RAI1: variants seen among roughly 807,000 people sequenced by gnomAD.
RAI1 encodes the protein retinoic acid-induced protein 1.
RAI1 carries 9 observed loss-of-function variants against 123.8 expected under a neutral mutation model. That is an observed-to-expected ratio of 0.07 (90% CI 0.04 to 0.13). The LOEUF is 0.13. Ranked by LOEUF, RAI1 falls within the 10% of genes least tolerant of loss-of-function variation. The pLI is 1.00. For synonymous variants in RAI1, 1,231 were observed against 1,127.3 expected (o/e 1.09, Z -1.84); for missense variants, 2,256 against 2,545.8 (o/e 0.89, Z 2.45).
In RAI1 at chr17:17,768,539, G is replaced by A. The variant is rs183501044; in HGVS notation, c.-16-24394G>A. On this transcript the variant is annotated intron_variant, in intron 2 of 5. Coordinates refer to ENST00000353383, the MANE Select transcript of RAI1 (RefSeq NM_030665.4). Reference sequence around the variant, plus strand: ...CCAGCGAGGCCAGGTGGCTTGCCCAGTTTACACGCCAGACATAGGGCCAGG... The same window carrying A: ...CCAGCGAGGCCAGGTGGCTTGCCCAATTTACACGCCAGACATAGGGCCAGG... Among the ~76,000 whole-genome samples the A allele has an allele frequency of 4.0e-3, 615 of 152,332 alleles. 4 individuals are homozygous for A. The highest frequency in any genetic ancestry group is 0.014 in the African/African-American group (581 of 41,576).
intron 1 of RAI1, among the ~76,000 whole-genome samples, chr17:17,697,921 G>T (rs1915091101): frequency 6.6e-6 from 1 of 152,184 alleles, no homozygotes; most frequent in Admixed American, 6.5e-5. Flanking sequence ...GTGAGACCTG[G>T]ATCTCTCTCA....
chr17:17,709,478 G>A (rs573310808), intron 1 of RAI1, among the ~76,000 whole-genome samples: 36 of 152,268 alleles, frequency 2.4e-4, no homozygotes, highest in African/African-American at 7.9e-4. Context: ...TCCCTGCTGG[G>A]TTGACCACAG....
At chr17:17,700,787 C>T (rs1271149495) in intron 1 of RAI1, among the ~76,000 whole-genome samples, 6 of 151,946 alleles carry the variant, frequency 3.9e-5, no homozygotes, top group African/African-American at 1.2e-4. Flanking sequence ...CGCCCGCTCC[C>T]CGGCGTTCAA....
chr17:17,710,520 T>TGGTG (rs1915534684), intron 1 of RAI1, among the ~76,000 whole-genome samples: 1 of 152,178 alleles, frequency 6.6e-6, no homozygotes, highest in Admixed American at 6.5e-5. Context: ...AGGCTGCCAG[T>TGGTG]GGTGGCCTTT....
At chr17:17,753,230 G>A (rs2030288309) in intron 2 of RAI1, among the ~76,000 whole-genome samples, 1 of 152,238 alleles carries the variant, frequency 6.6e-6, no homozygotes, top group Admixed American at 6.5e-5. Flanking sequence ...CACAGACACA[G>A]GCTGGAGGGG....
chr17:17,755,742 G>C (rs1020017511), intron 2 of RAI1, among the ~76,000 whole-genome samples: 1 of 152,056 alleles, frequency 6.6e-6, no homozygotes, highest in Non-Finnish European at 1.5e-5. Context: ...TGGCTGGGTC[G>C]CCCCAGGGCT....
intron 2 of RAI1, among the ~76,000 whole-genome samples, chr17:17,780,082 T>TTTTTTTTTTTTTTTA (rs71152902): frequency 1.6e-4 from 18 of 110,940 alleles, no homozygotes; most frequent in Admixed American, 8.0e-4. Context: ...GGCTTTTTTT[T>TTTTTTTTTTTTTTTA]AAGACAAGAG....
At chr17:17,783,739 T>C (rs1295378272) in intron 2 of RAI1, among the ~76,000 whole-genome samples, 1 of 151,778 alleles carries the variant, frequency 6.6e-6, no homozygotes, top group Non-Finnish European at 1.5e-5. Flanking sequence ...GGGCGCCCGG[T>C]GACCCCCCTC....
In RAI1 at chr17:17,798,622, C is replaced by G; in HGVS notation, c.5565+109C>G. ...GTGCTACAGTGTGGGCCAAATGTGT[C>G]TGCAGTCTCGGGACAATCTGCAGAG... is the stretch of plus-strand genomic sequence containing the variant. On this transcript the variant is annotated intron_variant, in intron 3 of 5. Coordinates refer to ENST00000353383, the MANE Select transcript of RAI1 (RefSeq NM_030665.4). 10 of 1,520,430 alleles carry G rather than the reference C, an allele frequency of 6.6e-6. No homozygotes were observed. In the South Asian group the frequency reaches 1.1e-4, roughly 17 times the overall value. The allele number at this position is 1,520,430 out of a possible 1,614,324, so 94.2% of individuals were successfully genotyped here.
chr17:17,704,677 A>G (rs9909618), intron 1 of RAI1, among the ~76,000 whole-genome samples: 31,454 of 152,010 alleles, frequency 0.21, 3,558 homozygotes, highest in East Asian at 0.35. Flanking sequence ...ATGAGTAGTA[A>G]GTGAAACTCC....
intron 2 of RAI1, among the ~76,000 whole-genome samples, chr17:17,773,647 C>T (rs1054426036): frequency 6.6e-6 from 1 of 152,072 alleles, no homozygotes; most frequent in Middle Eastern, 3.2e-3. Flanking sequence ...TGCAATGTGA[C>T]AGGGAAGATG....
intron 1 of RAI1, among the ~76,000 whole-genome samples, chr17:17,682,153 T>C (rs966095945): frequency 1.7e-5 from 1 of 58,998 alleles, no homozygotes; most frequent in South Asian, 5.3e-4. Flanking sequence ...GAGCGTGGGG[T>C]GGGGACGTGG....
rs533777588 is a variant in RAI1, at chr17:17,800,710, G to A, written c.5565+2197G>A. Among the ~76,000 whole-genome samples the A allele has an allele frequency of 1.6e-4, 25 of 152,364 alleles. No homozygotes were observed. The highest frequency in any genetic ancestry group is 2.2e-4 in the African/African-American group (9 of 41,590). ...CAGCCTGCGCAACTAGGGCTGCCCC[G>A]GGAAGGTCGGAACCAGGAACACCCT... is the stretch of plus-strand genomic sequence containing the variant. On this transcript the variant is annotated intron_variant, in intron 3 of 5. Transcript: ENST00000353383. This position sits in a 1 kb window ranked among gnomAD's most constrained non-coding sequence, Gnocchi z 4.7.
chr17:17,734,518 C>G (rs1053268462), intron 2 of RAI1, among the ~76,000 whole-genome samples: 3 of 152,196 alleles, frequency 2.0e-5, no homozygotes, highest in Non-Finnish European at 2.9e-5. Context: ...GGAGGCCTAA[C>G]AAATGGTACT....
At position 17,810,279 on chromosome 17, in the gene RAI1, C is replaced by T. The variant is rs1353399171; in HGVS notation, c.*298C>T. ...AGGGGGAGCCCGCGGAGCGGCCAGA[C>T]TCCCCGGGGCGCTCAGCCTCCGGCG... On this transcript the variant is annotated 3_prime_UTR_variant, in exon 6 of 6. Coordinates refer to ENST00000353383, the MANE Select transcript of RAI1 (RefSeq NM_030665.4). The surrounding 1 kb of genome is among the most constrained non-coding windows in gnomAD (Gnocchi z 4.6). 2.1e-6 allele frequency: 1 copy of T among 478,318 alleles called. No individual in the cohort carries two copies. Among genetic ancestry groups the T allele is most frequent in the Admixed American group, 4.0e-5 (1 of 25,264 alleles). The allele number at this position is 478,318 out of a possible 1,614,324, so 29.6% of individuals were successfully genotyped here.
In RAI1 at chr17:17,732,718, G is replaced by A. The variant is rs981759067; in HGVS notation, c.-17+8559G>A. On this transcript the variant is annotated intron_variant, in intron 2 of 5. Transcript: ENST00000353383. The stretch of plus-strand genomic sequence containing the variant: ...GGCCCAGAGGCTACTGCTGCCTGGC[G>A]GTCAGCCTTCTCCTCACCAGTTAAA... 5.9e-5 allele frequency among the ~76,000 whole-genome samples: 9 copies of A among 152,310 alleles called. No individual in the cohort carries two copies. The South Asian group carries it at 8.3e-4, about 14-fold the overall frequency.
chr17:17,690,323 G>T (rs990337314), intron 1 of RAI1, among the ~76,000 whole-genome samples: 1 of 151,914 alleles, frequency 6.6e-6, no homozygotes, highest in Admixed American at 6.6e-5. Context: ...GGAGGCAGAG[G>T]TGGCAGTGAG....
chr17:17,762,918 CAG>C (rs2030765678), intron 2 of RAI1, among the ~76,000 whole-genome samples: 1 of 152,028 alleles, frequency 6.6e-6, no homozygotes, highest in Non-Finnish European at 1.5e-5. Context: ...CGATGATTGG[CAG>C]AGTCGATAAA....
chr17:17,795,611 A>G lies in RAI1; in HGVS notation c.2663A>G (p.Gln888Arg). ...LGSPEQRPGM[Q>R]DPLSPKAPLI... is the part of the protein sequence containing the mutation. ...AGCCCCGAGCAGAGGCCTGGCATGC[A>G]GGACCCGCTGTCACCCAAGGCCCCA... Residue 888 changes from glutamine (Q) to arginine (R), a missense_variant, in exon 3 of 6, where the codon CAG (glutamine) becomes CGG (arginine). By Grantham distance (43) the Gln-to-Arg change is conservative (BLOSUM62 1). Transcript: ENST00000353383. The surrounding 1 kb of genome is among the most constrained non-coding windows in gnomAD (Gnocchi z 5.9). 1 of 1,613,152 alleles carries G rather than the reference A, an allele frequency of 6.2e-7. No individual in the cohort carries two copies. The highest frequency in any genetic ancestry group is 8.5e-7 in the Non-Finnish European group (1 of 1,179,808).
Sources: allele counts gnomAD v4.1 joint callset (sites outside exome capture counted in the v4.1 genomes callset), GRCh38; gene constraint gnomAD v4.1.1; non-coding constraint Gnocchi (gnomAD v3.1); transcripts MANE v1.5; gene names NCBI Gene and HGNC (gene_info 2026-07-23, HGNC 2026-07-21).